ARHGEF17: variants seen among roughly 807,000 people sequenced by gnomAD.
ARHGEF17 encodes 164 kDa Rho-specific guanine-nucleotide exchange factor.
Under a neutral mutation model 174.0 loss-of-function variants are expected in ARHGEF17, and 80 were observed. The ratio of observed to expected loss-of-function variants is 0.46; its 90% confidence interval spans 0.38 to 0.55. ARHGEF17 has a LOEUF of 0.55. Among genes scored for constraint, ARHGEF17 ranks in the 20% least tolerant of loss-of-function variants. The probability of loss-of-function intolerance (pLI) is 0.00; values close to 1 mark genes in which losing one functional copy is unlikely to be tolerated. For synonymous variants in ARHGEF17, 1,311 were observed against 1,189.1 expected, an observed-to-expected ratio of 1.10 and a Z score of -2.11; for missense variants, 2,886 against 2,839.7, an observed-to-expected ratio of 1.02 and a Z score of -0.37.
At position 73,362,637 on chromosome 11, in the gene ARHGEF17, G is replaced by A; in HGVS notation, c.4899G>A (p.Val1633=). ...LGEGDPRPEL[V]PFDSDSDDES... ...AGGGTGACCCCCGCCCAGAGCTGGT[G>A]CCCTTTGACAGTGACTCTGACGATG... The change falls in exon 14 of 21, where the codon GTG becomes GTA. Residue 1633 remains valine (V), a synonymous_variant. Coordinates refer to ENST00000263674, the MANE Select transcript of ARHGEF17 (RefSeq NM_014786.4). 1 of 1,611,634 alleles carries A rather than the reference G, an allele frequency of 6.2e-7. No individual in the cohort carries two copies. Among genetic ancestry groups the A allele is most frequent in the Non-Finnish European group, 8.5e-7 (1 of 1,180,020 alleles).
At chr11:73,367,439 T>G (rs1865858497) in intron 20 of ARHGEF17, 145 bp from the exon 21 acceptor site, 1 of 629,834 alleles carries the variant, frequency 1.6e-6, no homozygotes, top group African/African-American at 1.8e-5. Flanking sequence ...CTAAATAAGT[T>G]CCTAGCTAAC....
At chr11:73,354,530 A>G (rs953789906) in intron 3 of ARHGEF17, among the ~76,000 whole-genome samples, 2 of 152,208 alleles carry the variant, frequency 1.3e-5, no homozygotes, top group African/African-American at 2.4e-5. Flanking sequence ...CCTGACCAAC[A>G]TGGTGAAACC....
At chr11:73,347,103 A>G (rs748241435) in intron 2 of ARHGEF17, 143 bp downstream of exon 2, 17 of 836,162 alleles carry the variant, frequency 2.0e-5, no homozygotes, top group Non-Finnish European at 2.4e-5. Context: ...TCCATGAAGA[A>G]CCCCCAGCAT....
chr11:73,309,065 G>C lies in ARHGEF17; in HGVS notation c.427G>C (p.Ala143Pro). The C allele has an allele frequency of 6.6e-7, 1 of 1,506,458 alleles. No homozygotes were observed. The highest frequency in any genetic ancestry group is 2.8e-5 in the East Asian group (1 of 36,142). The allele number at this position is 1,506,458 out of a possible 1,614,324, so 93.3% of individuals were successfully genotyped here. A position where few individuals can be genotyped will look rare whatever the true frequency, so the allele number is the denominator to read the frequency against. The change falls in exon 1 of 21, where the codon GCC (alanine) becomes CCC (proline). Residue 143 changes from alanine to proline, a missense_variant. Physicochemically the swap from Ala to Pro is conservative, Grantham distance 27. Transcript: ENST00000263674. ...FGGPGSRRPS[A>P]DSESPGTPSP... ...CGGTCCTGGCTCCAGGAGGCCCAGC[G>C]CCGACTCTGAATCCCCAGGAACGCC... is the stretch of plus-strand genomic sequence containing the variant.
In ARHGEF17 at chr11:73,362,473, C is replaced by T. The variant is rs974701055; in HGVS notation, c.4735C>T (p.Pro1579Ser). The stretch of plus-strand genomic sequence containing the variant: ...GCTGAGGAGTCCTCCAGAGACGGCA[C>T]CGGAGCCCGCCGGGCCGGAGCTGGA... ...PSLRSPPETAPEPAGPELDVE... is the reference protein window; with the variant it reads ...PSLRSPPETASEPAGPELDVE... The change falls in exon 14 of 21, where the codon CCG (proline) becomes TCG (serine). Residue 1579 changes from proline to serine, a missense_variant. Physicochemically the swap from Pro to Ser is moderately conservative, Grantham distance 74. Transcript: ENST00000263674. 3 of 1,591,660 alleles carry T rather than the reference C, an allele frequency of 1.9e-6. No homozygotes were observed. The highest frequency in any genetic ancestry group is 1.3e-5 in the African/African-American group (1 of 74,614).
intron 1 of ARHGEF17, among the ~76,000 whole-genome samples, chr11:73,319,423 T>C (rs1211273271): frequency 2.0e-5 from 3 of 152,208 alleles, no homozygotes; most frequent in Non-Finnish European, 4.4e-5. Flanking sequence ...ACCTGATAAT[T>C]TGATAATCTT....
intron 20 of ARHGEF17, among the ~76,000 whole-genome samples, chr11:73,367,377 G>T (rs1050066919): frequency 6.6e-6 from 1 of 152,222 alleles, no homozygotes; most frequent in African/African-American, 2.4e-5. Flanking sequence ...CCTGACTAGA[G>T]ATTACAGATG....
At chr11:73,330,375 TC>T (rs1006300136) in intron 1 of ARHGEF17, among the ~76,000 whole-genome samples, 3 of 152,268 alleles carry the variant, frequency 2.0e-5, no homozygotes, top group African/African-American at 7.2e-5. Context: ...TCATATTTTT[TC>T]TCTGCTATTT....
rs866081534 is a variant in ARHGEF17, at chr11:73,354,033, G to A, written c.3453+1021G>A. ...CAAAAGCAAAATTGTAAAAATTCTT[G>A]CAAAAATTTTACAAGTGAAAAATTA... is the stretch of plus-strand genomic sequence containing the variant. On this transcript the variant is annotated intron_variant, in intron 3 of 20. Coordinates refer to ENST00000263674, the MANE Select transcript of ARHGEF17 (RefSeq NM_014786.4). Among the ~76,000 whole-genome samples the A allele has an allele frequency of 5.3e-5, 8 of 152,264 alleles. No homozygotes were observed. In the South Asian group the frequency reaches 1.7e-3, roughly 32 times the overall value.
At chr11:73,331,996 G>A (rs1384681317) in intron 1 of ARHGEF17, among the ~76,000 whole-genome samples, 1 of 152,198 alleles carries the variant, frequency 6.6e-6, no homozygotes, top group African/African-American at 2.4e-5. Flanking sequence ...CCCCATGGGA[G>A]GGGGAGCTTG....
rs1219946856 is a variant in ARHGEF17, at chr11:73,368,712, A to G, written c.*932A>G. ...TATGGTCACCTTGGAGGGCAGACCTAGGAGCCCCTCTGACCACTGAATCCG... is the reference window on the plus strand; with the variant it reads ...TATGGTCACCTTGGAGGGCAGACCTGGGAGCCCCTCTGACCACTGAATCCG... On this transcript the variant is annotated 3_prime_UTR_variant, in exon 21 of 21. Coordinates refer to ENST00000263674, the MANE Select transcript of ARHGEF17 (RefSeq NM_014786.4). 6.6e-6 allele frequency: 1 copy of G among 152,380 alleles called. No homozygotes were observed. Among genetic ancestry groups the G allele is most frequent in the Non-Finnish European group, 1.5e-5 (1 of 68,014 alleles). 9.4% of individuals were successfully genotyped at this position (152,380 alleles called of 1,614,324 possible).
In ARHGEF17 at chr11:73,363,824, C is replaced by G; in HGVS notation, c.5324C>G (p.Thr1775Ser). The change falls in exon 16 of 21, where the codon ACC becomes AGC. Residue 1775 changes from threonine to serine, a missense_variant. Around this residue, in one of 4 missense-constraint regions of ARHGEF17, gnomAD observed 329 missense variants for 435.2 expected, o/e 0.76. Transcript: ENST00000263674. ...SMKLQHAASVTCILYLNNQVF... is the reference protein window; with the variant it reads ...SMKLQHAASVSCILYLNNQVF... ...AAGCTCCAGCATGCGGCCTCTGTGA[C>G]CTGCATCTTGTAAGGCCCCAGGGTG... The G allele has an allele frequency of 2.5e-6, 4 of 1,613,976 alleles. No individual in the cohort carries two copies. Among genetic ancestry groups the G allele is most frequent in the Non-Finnish European group, 3.4e-6 (4 of 1,180,024 alleles).
At position 73,364,092 on chromosome 11, in the gene ARHGEF17, C is replaced by G. The variant is rs539527201; in HGVS notation, c.5334-80C>G. 121 of 1,431,116 alleles carry G rather than the reference C, an allele frequency of 8.5e-5. No individual in the cohort carries two copies. The East Asian group carries it at 2.7e-3, about 32-fold the overall frequency. 88.7% of individuals were successfully genotyped at this position (1,431,116 alleles called of 1,614,324 possible). A position where few individuals can be genotyped will look rare whatever the true frequency, so the allele number is the denominator to read the frequency against. On this transcript the variant is annotated intron_variant, in intron 16 of 20. Transcript: ENST00000263674. ...TGGCCTCTCGGGAGCCATACCCATT[C>G]TATCTGTGGTTCCCCTGGTCCTGGG...
chr11:73,340,663 A>C (rs1865354331), intron 1 of ARHGEF17, among the ~76,000 whole-genome samples: 1 of 152,188 alleles, frequency 6.6e-6, no homozygotes, highest in South Asian at 2.1e-4. Context: ...AGAGGGTCAG[A>C]TGAGGGACGA....
intron 1 of ARHGEF17, among the ~76,000 whole-genome samples, chr11:73,322,017 G>A (rs1471842537): frequency 6.6e-6 from 1 of 152,210 alleles, no homozygotes; most frequent in African/African-American, 2.4e-5. Context: ...CAGCCCCACA[G>A]CCGGGCCTCC....
intron 1 of ARHGEF17, among the ~76,000 whole-genome samples, chr11:73,342,039 T>G (rs1262587796): frequency 6.6e-6 from 1 of 152,060 alleles, no homozygotes; most frequent in Non-Finnish European, 1.5e-5. Flanking sequence ...ACTCTGGGCT[T>G]TCAAGCAGCA....
chr11:73,318,223 G>A (rs778231739), intron 1 of ARHGEF17, among the ~76,000 whole-genome samples: 1 of 151,976 alleles, frequency 6.6e-6, no homozygotes, highest in African/African-American at 2.4e-5. Flanking sequence ...CCCCACCATC[G>A]CCTCCTGCTC....
At chr11:73,320,892 G>A (rs1305555717) in intron 1 of ARHGEF17, among the ~76,000 whole-genome samples, 1 of 152,074 alleles carries the variant, frequency 6.6e-6, no homozygotes, top group Non-Finnish European at 1.5e-5. Flanking sequence ...GAACTCCTGA[G>A]CTCAAGTAAT....
chr11:73,355,783 G>C (rs1865627620), intron 4 of ARHGEF17, 78 bp from the exon 5 acceptor site: 32 of 1,592,032 alleles, frequency 2.0e-5, no homozygotes, highest in Non-Finnish European at 2.7e-5. Context: ...GAGCTGGAGA[G>C]GCTTGCTGGG....
Sources: allele counts gnomAD v4.1 joint callset (sites outside exome capture counted in the v4.1 genomes callset), GRCh38; gene constraint gnomAD v4.1.1; regional missense constraint gnomAD v4.1.1; transcripts MANE v1.5; gene names NCBI Gene and HGNC (gene_info 2026-07-23, HGNC 2026-07-21).